EYS: variants seen among roughly 807,000 people sequenced by gnomAD.
The protein encoded by EYS is EGF-like photoreceptor maintenance factor, also known as protein eyes shut homolog.
A neutral mutation model predicts 282.1 loss-of-function variants in EYS; 250 were observed. The ratio of observed to expected loss-of-function variants is 0.89; its 90% CI spans 0.80 to 0.98. The LOEUF (loss-of-function observed/expected upper bound fraction) is 0.98, where lower values mean the gene tolerates loss of function less well. Ranked by LOEUF, EYS falls within the 50% of genes least tolerant of loss-of-function variation. The pLI is 0.00. For missense variants in EYS, 4,016 were observed against 3,709.0 expected, an observed-to-expected ratio of 1.08 and a Z score of -2.15; for synonymous variants, 1,355 against 1,282.9, an observed-to-expected ratio of 1.06 and a Z score of -1.20.
At chr6:65,243,379 C>T (rs931583891) in intron 12 of EYS, among the ~76,000 whole-genome samples, 6 of 152,156 alleles carry the variant, frequency 3.9e-5, no homozygotes, top group Non-Finnish European at 8.8e-5. Flanking sequence ...TGGCCTGCCC[C>T]TCTCAGAATG....
chr6:64,650,662 T>G (rs907291567), intron 22 of EYS, among the ~76,000 whole-genome samples: 3 of 152,100 alleles, frequency 2.0e-5, no homozygotes, highest in Non-Finnish European at 4.4e-5. Context: ...GTAAAAATTT[T>G]GACTCCTACA....
intron 10 of EYS, among the ~76,000 whole-genome samples, chr6:65,340,289 T>C (rs1389759680): frequency 1.3e-5 from 2 of 151,152 alleles, no homozygotes; most frequent in Non-Finnish European, 3.0e-5. Context: ...ATAAACTTAT[T>C]TGTAATTATG....
At chr6:63,944,133 A>C (rs1320109858) in intron 35 of EYS, among the ~76,000 whole-genome samples, 1 of 152,128 alleles carries the variant, frequency 6.6e-6, no homozygotes, top group Middle Eastern at 3.2e-3. Context: ...TTTCTGTTGT[A>C]AGCTAGTTTG....
At chr6:64,320,318 G>T (rs1356187141) in intron 29 of EYS, among the ~76,000 whole-genome samples, 2 of 151,640 alleles carry the variant, frequency 1.3e-5, no homozygotes, top group Non-Finnish European at 2.9e-5. Flanking sequence ...CCAGTTACTT[G>T]AAATTTTTAT....
intron 24 of EYS, among the ~76,000 whole-genome samples, chr6:64,602,367 G>A (rs972612390): frequency 6.6e-6 from 1 of 151,964 alleles, no homozygotes; most frequent in African/African-American, 2.4e-5. Context: ...ACACAGGATG[G>A]CCCTTTAGAT....
chr6:65,539,451 T>C (rs1290752582), intron 2 of EYS, among the ~76,000 whole-genome samples: 1 of 152,128 alleles, frequency 6.6e-6, no homozygotes, highest in Non-Finnish European at 1.5e-5. Flanking sequence ...AATATAAATA[T>C]ATTGGACCGA....
chr6:64,868,730 A>G (rs551823757), intron 19 of EYS, among the ~76,000 whole-genome samples: 1 of 151,640 alleles, frequency 6.6e-6, no homozygotes, highest in East Asian at 1.9e-4. Context: ...GGAAGATTAA[A>G]CATTTTGTCA....
At chr6:64,248,351 T>C (rs1011741263) in intron 30 of EYS, among the ~76,000 whole-genome samples, 11 of 152,274 alleles carry the variant, frequency 7.2e-5, no homozygotes, top group African/African-American at 2.6e-4. Context: ...AACTACACTC[T>C]GGTTTTAGCA....
At chr6:63,749,091 A>G (rs994715056) in intron 41 of EYS, among the ~76,000 whole-genome samples, 6 of 152,210 alleles carry the variant, frequency 3.9e-5, no homozygotes, top group East Asian at 1.9e-4. Context: ...TTAAATTGCT[A>G]TCTTTCTAAC....
At chr6:64,402,816 C>A (rs1773579258) in intron 28 of EYS, among the ~76,000 whole-genome samples, 1 of 152,024 alleles carries the variant, frequency 6.6e-6, no homozygotes, top group African/African-American at 2.4e-5. Context: ...TGTAAATAGA[C>A]CTTCTTTTTC....
At chr6:63,829,331 G>C (rs1771560366) in intron 36 of EYS, among the ~76,000 whole-genome samples, 1 of 152,202 alleles carries the variant, frequency 6.6e-6, no homozygotes, top group Admixed American at 6.5e-5. Flanking sequence ...AGCCATGACA[G>C]ATGGTACCTG....
intron 12 of EYS, among the ~76,000 whole-genome samples, chr6:65,247,923 T>C (rs1036743235): frequency 1.1e-4 from 16 of 152,192 alleles, no homozygotes; most frequent in Admixed American, 9.2e-4. Context: ...TGACTCTCTT[T>C]ATTTTGCTTA....
intron 12 of EYS, among the ~76,000 whole-genome samples, chr6:65,078,665 G>A (rs934911600): frequency 1.3e-5 from 2 of 151,980 alleles, no homozygotes; most frequent in African/African-American, 4.8e-5. Flanking sequence ...AAATAATTGA[G>A]GAATCAAATT....
intron 1 of EYS, among the ~76,000 whole-genome samples, chr6:65,687,320 A>G (rs890309865): frequency 3.3e-5 from 5 of 152,164 alleles, no homozygotes; most frequent in African/African-American, 7.2e-5. Flanking sequence ...ATCTATAAAC[A>G]TAACAGTCCA....
chr6:64,939,375 T>G (rs1489974885), intron 15 of EYS, among the ~76,000 whole-genome samples: 3 of 151,976 alleles, frequency 2.0e-5, no homozygotes, highest in Middle Eastern at 3.4e-3. Flanking sequence ...TAACAAAATC[T>G]CCTGAAACAT....
intron 2 of EYS, among the ~76,000 whole-genome samples, chr6:65,512,130 A>G (rs1342871491): frequency 1.3e-5 from 2 of 152,018 alleles, no homozygotes; most frequent in Non-Finnish European, 2.9e-5. Context: ...TTTTTCCCTA[A>G]CTTTCCGGCA....
intron 41 of EYS, among the ~76,000 whole-genome samples, chr6:63,760,155 G>T (rs918219667): frequency 2.0e-5 from 3 of 151,972 alleles, no homozygotes; most frequent in African/African-American, 7.2e-5. Context: ...ACACATTATG[G>T]AATCTAACTT....
intron 18 of EYS, among the ~76,000 whole-genome samples, chr6:64,896,011 G>A (rs1249069198): frequency 2.0e-5 from 3 of 151,936 alleles, no homozygotes; most frequent in Non-Finnish European, 4.4e-5. Flanking sequence ...AACTTATAAA[G>A]GTGAAGTGTC....
chr6:65,119,447 A>G (rs1054171380), intron 12 of EYS, among the ~76,000 whole-genome samples: 9 of 152,114 alleles, frequency 5.9e-5, no homozygotes, highest in African/African-American at 1.7e-4. Context: ...AACCAATCAT[A>G]TTATGATTCA....
Sources: allele counts gnomAD v4.1 joint callset (sites outside exome capture counted in the v4.1 genomes callset), GRCh38; gene constraint gnomAD v4.1.1; transcripts MANE v1.5; gene names NCBI Gene and HGNC (gene_info 2026-07-23, HGNC 2026-07-21).